CADM2: variants seen among roughly 807,000 people sequenced by gnomAD.
CADM2 encodes immunoglobulin superfamily member 4D.
In CADM2, 12 loss-of-function variants were observed where a neutral mutation model predicts 49.8. The ratio of observed to expected loss-of-function variants is 0.24; its 90% CI spans 0.15 to 0.39. The LOEUF (loss-of-function observed/expected upper bound fraction) is 0.39, where lower values mean the gene tolerates loss of function less well. CADM2 is among the 10% of genes least tolerant of loss of function. The probability of loss-of-function intolerance (pLI) is 1.00; values close to 1 mark genes in which losing one functional copy is unlikely to be tolerated. For synonymous variants in CADM2, 214 were observed against 175.4 expected (o/e 1.22, Z -1.74); for missense variants, 378 against 492.3 (o/e 0.77, Z 2.20).
chr3:85,951,365 A>G (rs576992568), intron 7 of CADM2, among the ~76,000 whole-genome samples: 1 of 151,228 alleles, frequency 6.6e-6, no homozygotes, highest in African/African-American at 2.4e-5. Context: ...TTAAAAGATA[A>G]GTTGTTTAAG....
In CADM2 at chr3:85,099,658, C is replaced by T. The variant is rs188922274; in HGVS notation, c.61+139990C>T. 6.7e-4 allele frequency among the ~76,000 whole-genome samples: 102 copies of T among 152,008 alleles called. 1 individual carries two copies. Among genetic ancestry groups the T allele is most frequent in the African/African-American group, 2.4e-3 (100 of 41,494 alleles). ...CTAATTTTTGTATTTTTAGTGGAGA[C>T]GGGGTTTCACCATGTTGGCCAGGCT... On this transcript the variant is annotated intron_variant, in intron 1 of 9. Transcript: ENST00000383699.
chr3:85,475,959 C>A (rs2038958612), intron 1 of CADM2, among the ~76,000 whole-genome samples: 1 of 151,814 alleles, frequency 6.6e-6, no homozygotes, highest in Non-Finnish European at 1.5e-5. Context: ...CACACAAGTA[C>A]TTAAAAAGAA....
In CADM2 at chr3:86,069,228, A is replaced by T. The variant is rs915093574; in HGVS notation, c.*2445A>T. ...CAATCATTATTTATAGCACTGTAAA[A>T]TTAGAAATCCAAAATTGGTTGCATT... On this transcript the variant is annotated 3_prime_UTR_variant, in exon 10 of 10. Transcript: ENST00000383699. 1 of 151,996 alleles carries T rather than the reference A, an allele frequency of 6.6e-6. No homozygotes were observed. The highest frequency in any genetic ancestry group is 6.6e-5 in the Admixed American group (1 of 15,242). The allele number at this position is 151,996 out of a possible 1,614,324, so 9.4% of individuals were successfully genotyped here.
At chr3:85,399,602 C>T (rs2034986228) in intron 1 of CADM2, among the ~76,000 whole-genome samples, 1 of 152,130 alleles carries the variant, frequency 6.6e-6, no homozygotes, top group African/African-American at 2.4e-5. Flanking sequence ...TTCTTCCTAT[C>T]CATGAGCATG....
chr3:85,539,140 T>TAAAA (rs140132068), intron 1 of CADM2, among the ~76,000 whole-genome samples: 30,522 of 148,120 alleles, frequency 0.21, 3,785 homozygotes, highest in East Asian at 0.33. Flanking sequence ...AGATTTACAT[T>TAAAA]AAAAAAAAAC....
intron 3 of CADM2, among the ~76,000 whole-genome samples, chr3:85,859,788 G>T (rs894826852): frequency 2.0e-5 from 3 of 152,010 alleles, no homozygotes; most frequent in Non-Finnish European, 4.4e-5. Flanking sequence ...CCTTATGTCA[G>T]TCTTTATGTT....
chr3:84,959,688 A>G lies in CADM2; in HGVS notation c.61+20A>G, dbSNP rs1038683177. 5.2e-6 allele frequency: 8 copies of G among 1,535,428 alleles called. No individual in the cohort carries two copies. The African/African-American group carries it at 9.6e-5, about 18-fold the overall frequency. Reference sequence around the variant, plus strand: ...TACAAGGTAATCCCCGCCCCGGCGCAGGGAACATCAACTTCTCGCCCATTC... The same window carrying G: ...TACAAGGTAATCCCCGCCCCGGCGCGGGGAACATCAACTTCTCGCCCATTC... On this transcript the variant is annotated intron_variant, in intron 1 of 9. Transcript: ENST00000383699.
intron 1 of CADM2, among the ~76,000 whole-genome samples, chr3:85,397,859 T>A (rs2034872357): frequency 6.6e-6 from 1 of 152,168 alleles, no homozygotes; most frequent in African/African-American, 2.4e-5. Context: ...TAGAAATGGT[T>A]AAAATGATAA....
intron 1 of CADM2, among the ~76,000 whole-genome samples, chr3:85,692,772 C>T (rs2066425026): frequency 6.6e-6 from 1 of 152,158 alleles, no homozygotes; most frequent in Non-Finnish European, 1.5e-5. Flanking sequence ...TTTTTTATCA[C>T]ATAAGAAATA....
chr3:86,005,094 C>T (rs1362207606), intron 8 of CADM2, among the ~76,000 whole-genome samples: 1 of 152,094 alleles, frequency 6.6e-6, no homozygotes, highest in Admixed American at 6.6e-5. Flanking sequence ...AGAAGAGCAC[C>T]TGCTGTACTT....
chr3:86,013,380 A>T, intron 8 of CADM2: 3 of 1,534,610 alleles, frequency 2.0e-6, no homozygotes, highest in Non-Finnish European at 2.7e-6. Flanking sequence ...AAAGCAAAAT[A>T]TACCTCTGGA....
chr3:85,934,889 A>C (rs968505019), intron 6 of CADM2, among the ~76,000 whole-genome samples: 2 of 152,038 alleles, frequency 1.3e-5, no homozygotes, highest in Admixed American at 1.3e-4. Context: ...ATTGTAGAGA[A>C]TGTGAAGATA....
intron 2 of CADM2, among the ~76,000 whole-genome samples, chr3:85,754,355 G>A (rs2069002610): frequency 6.6e-6 from 1 of 152,098 alleles, no homozygotes; most frequent in Admixed American, 6.6e-5. Flanking sequence ...ATGGTTGCCT[G>A]ACAGTCCTGG....
intron 1 of CADM2, among the ~76,000 whole-genome samples, chr3:85,089,251 T>A (rs1168437654): frequency 4.0e-5 from 6 of 151,884 alleles, no homozygotes; most frequent in Non-Finnish European, 2.9e-5. Flanking sequence ...CATTTTTATT[T>A]AAAAAAAATA....
At chr3:86,017,858 TATTTA>T (rs1366918921) in intron 8 of CADM2, among the ~76,000 whole-genome samples, 1 of 150,550 alleles carries the variant, frequency 6.6e-6, no homozygotes, top group Non-Finnish European at 1.5e-5. Flanking sequence ...TAAAGTCTTT[TATTTA>T]TTTTATTTTA....
At chr3:85,614,204 G>T (rs2063743660) in intron 1 of CADM2, among the ~76,000 whole-genome samples, 1 of 151,548 alleles carries the variant, frequency 6.6e-6, no homozygotes, top group Admixed American at 6.6e-5. Context: ...GTGTGTGTTT[G>T]ATGATTCAAT....
intron 1 of CADM2, among the ~76,000 whole-genome samples, chr3:85,034,783 C>T (rs1255213710): frequency 4.3e-5 from 5 of 115,770 alleles, no homozygotes; most frequent in Non-Finnish European, 8.5e-5. Flanking sequence ...AGATAAAAGA[C>T]ATTTTGCTTT....
At chr3:85,409,824 A>G (rs961852304) in intron 1 of CADM2, among the ~76,000 whole-genome samples, 2 of 152,178 alleles carry the variant, frequency 1.3e-5, no homozygotes, top group Non-Finnish European at 2.9e-5. Context: ...CAGAAGTTAG[A>G]TGGCCCCAAA....
chr3:85,018,877 A>C (rs2034374938), intron 1 of CADM2, among the ~76,000 whole-genome samples: 1 of 152,162 alleles, frequency 6.6e-6, no homozygotes, highest in Non-Finnish European at 1.5e-5. Context: ...TACTCATCTG[A>C]TAAGACATGG....
Sources: gnomAD v4.1 joint callset for allele counts (sites outside exome capture counted in the v4.1 genomes callset) on GRCh38, gnomAD v4.1.1 for gene constraint, MANE v1.5 for transcripts, NCBI Gene and HGNC (gene_info 2026-07-23, HGNC 2026-07-21) for gene names.